UBR1: variants seen among roughly 807,000 people sequenced by gnomAD.
The protein encoded by UBR1 is ubiquitin protein ligase E3 component n-recognin 1, also known as E3 ubiquitin-protein ligase UBR1.
UBR1 carries 102 observed loss-of-function variants against 242.1 expected under a neutral mutation model. The ratio of observed to expected loss-of-function variants is 0.42; its 90% CI spans 0.36 to 0.50. The LOEUF (loss-of-function observed/expected upper bound fraction) is 0.50. Among genes scored for constraint, UBR1 ranks in the 20% least tolerant of loss-of-function variants. The pLI, the probability that UBR1 is intolerant of heterozygous loss-of-function variation, is 0.01. For synonymous variants in UBR1, 675 were observed against 684.8 expected, an observed-to-expected ratio of 0.99 and a Z score of 0.22; for missense variants, 1,772 against 2,101.8, an observed-to-expected ratio of 0.84 and a Z score of 3.07.
At position 43,021,365 on chromosome 15, in the gene UBR1, A is replaced by T. The variant is rs929403892; in HGVS notation, c.2850T>A (p.Ser950Arg). The part of the protein sequence containing the change: ...DFYHKASRLG[S>R]SAMNIQMLLE... ...AAAGCATTTGTATATTCATGGCTGA[A>T]CTTCCCAATCCTTTTTTAAAACACA... is the stretch of plus-strand genomic sequence containing the variant. Residue 950 changes from serine to arginine, a missense_variant, in exon 27 of 47, where the codon AGT (serine) becomes AGA (arginine). This residue lies in a region of UBR1 where 965 missense variants were observed against 1,079.7 expected (regional missense o/e 0.89). Transcript: ENST00000290650. The T allele has an allele frequency of 6.2e-7, 1 of 1,613,498 alleles. No individual in the cohort carries two copies. Among genetic ancestry groups the T allele is most frequent in the Non-Finnish European group, 8.5e-7 (1 of 1,179,726 alleles).
At chr15:43,069,421 G>A (rs1268978870) in intron 5 of UBR1, among the ~76,000 whole-genome samples, 1 of 151,882 alleles carries the variant, frequency 6.6e-6, no homozygotes, top group Non-Finnish European at 1.5e-5. Flanking sequence ...GGACCACGGG[G>A]GCCCGCCATG....
chr15:43,047,459 C>T (rs1209335381), intron 13 of UBR1, among the ~76,000 whole-genome samples, 170 bp from the exon 14 acceptor site: 12 of 152,190 alleles, frequency 7.9e-5, no homozygotes, highest in Non-Finnish European at 1.5e-4. Flanking sequence ...AGGGTTAGAA[C>T]ATTAACCGCA....
rs1596128157 is a variant in UBR1 at position 43,068,042 on chromosome 15, AG to A, written c.660-7del. ...AGTATCTTTCATTTTTCTCCCTGTTAGAAAAAAAACATATATATTTGGATAC... is the reference window on the plus strand; with the variant it reads ...AGTATCTTTCATTTTTCTCCCTGTTAAAAAAAAACATATATATTTGGATAC... On this transcript the variant is annotated splice_polypyrimidine_tract_variant and splice_region_variant and intron_variant, in intron 5 of 46. Coordinates refer to ENST00000290650, the MANE Select transcript of UBR1 (RefSeq NM_174916.3). 3.1e-6 allele frequency: 5 copies of A among 1,592,242 alleles called. No homozygotes were observed. In the East Asian group the frequency reaches 1.1e-4, roughly 36 times the overall value.
intron 32 of UBR1, among the ~76,000 whole-genome samples, 196 bp from the exon 33 acceptor site, chr15:42,998,461 A>G (rs2032672670): frequency 2.6e-5 from 4 of 152,210 alleles, no homozygotes; most frequent in African/African-American, 7.2e-5. Flanking sequence ...CTTACAAGAA[A>G]TAAGTCACCA....
chr15:43,050,731 A>C (rs2033544802), intron 12 of UBR1, among the ~76,000 whole-genome samples: 1 of 151,866 alleles, frequency 6.6e-6, no homozygotes, highest in Non-Finnish European at 1.5e-5. Context: ...CTTAAAAAAA[A>C]AAAAAAAAAA....
intron 29 of UBR1, 167 bp downstream of exon 29, chr15:43,015,521 C>A: frequency 2.9e-6 from 2 of 695,536 alleles, no homozygotes; most frequent in Admixed American, 2.3e-5. Flanking sequence ...GCCGCAGGGT[C>A]CTCTGCCTAG....
intron 46 of UBR1, among the ~76,000 whole-genome samples, chr15:42,946,102 G>A (rs1344455188): frequency 6.6e-6 from 1 of 152,086 alleles, no homozygotes. Context: ...AAGTCTCTCA[G>A]CTGGTTGGGG....
chr15:42,978,403 G>C (rs953370436), intron 37 of UBR1, among the ~76,000 whole-genome samples: 23 of 152,150 alleles, frequency 1.5e-4, no homozygotes, highest in African/African-American at 5.6e-4. Flanking sequence ...AGATCATCCT[G>C]AACAAAATTA....
intron 44 of UBR1, among the ~76,000 whole-genome samples, chr15:42,957,285 G>A (rs1361053179): frequency 1.3e-5 from 2 of 152,132 alleles, no homozygotes; most frequent in Non-Finnish European, 2.9e-5. Flanking sequence ...GTCATATATT[G>A]TATCATTCCT....
Position 43,075,024 on chromosome 15 carries a change from A to G in UBR1, c.483T>C (p.Pro161=). 1 of 1,614,106 alleles carries G rather than the reference A, an allele frequency of 6.2e-7. No homozygotes were observed. Among genetic ancestry groups the G allele is most frequent in the South Asian group, 1.1e-5 (1 of 91,088 alleles). The part of the protein sequence containing the change: ...CGDTEAWKTG[P]FCVNHEPGRA... The stretch of plus-strand genomic sequence containing the variant: ...TTCCAGGTTCATGATTTACACAAAA[A>G]GGGCCAGTTTTCCATGCCTCTGTGT... The change falls in exon 4 of 47, where the codon CCT becomes CCC. Residue 161 remains proline, a synonymous_variant. Coordinates refer to ENST00000290650, the MANE Select transcript of UBR1 (RefSeq NM_174916.3).
chr15:43,093,733 C>T (rs528759445), intron 1 of UBR1, among the ~76,000 whole-genome samples: 2 of 150,932 alleles, frequency 1.3e-5, no homozygotes, highest in Admixed American at 1.3e-4. Context: ...CTGCAGCAAG[C>T]CCTGATCGCG....
intron 29 of UBR1, among the ~76,000 whole-genome samples, chr15:43,013,290 G>C (rs2032954309): frequency 6.6e-6 from 1 of 152,110 alleles, no homozygotes; most frequent in South Asian, 2.1e-4. Context: ...AAATTTCTTG[G>C]AATGCTGTTC....
chr15:43,012,676 A>G (rs1350262105), intron 29 of UBR1, among the ~76,000 whole-genome samples: 1 of 152,198 alleles, frequency 6.6e-6, no homozygotes, highest in African/African-American at 2.4e-5. Flanking sequence ...TGTTGTTAAT[A>G]CATAATATCT....
intron 33 of UBR1, among the ~76,000 whole-genome samples, chr15:42,991,337 A>G (rs1240757843): frequency 1.3e-5 from 2 of 151,930 alleles, no homozygotes; most frequent in Admixed American, 6.6e-5. Flanking sequence ...CCTGGGCTCA[A>G]AGCATCCTCC....
intron 12 of UBR1, among the ~76,000 whole-genome samples, chr15:43,049,330 G>A (rs182291483): frequency 1.3e-5 from 2 of 152,294 alleles, no homozygotes; most frequent in Admixed American, 6.5e-5. Context: ...TTAGGAGGCC[G>A]AGGCAGGTGG....
At position 43,062,217 on chromosome 15, in the gene UBR1, A is replaced by G. The variant is rs532760227; in HGVS notation, c.799-2103T>C. Among the ~76,000 whole-genome samples the G allele has an allele frequency of 1.4e-4, 21 of 152,312 alleles. No individual in the cohort carries two copies. The South Asian group carries it at 1.9e-3, about 14-fold the overall frequency. ...TGTTCATAAGAGCATTATCCACAAT[A>G]GCAGAAGGTGGAAGCAACCCAAGCG... On this transcript the variant is annotated intron_variant, in intron 6 of 46. Transcript: ENST00000290650.
intron 3 of UBR1, among the ~76,000 whole-genome samples, chr15:43,077,173 G>A (rs2033916035): frequency 1.3e-5 from 2 of 151,102 alleles, no homozygotes; most frequent in African/African-American, 4.9e-5. Context: ...CATTGGGGAT[G>A]GGCCATGATG....
At chr15:43,099,272 G>A (rs1244900539) in intron 1 of UBR1, among the ~76,000 whole-genome samples, 1 of 151,946 alleles carries the variant, frequency 6.6e-6, no homozygotes, top group Non-Finnish European at 1.5e-5. Flanking sequence ...AGGAGGCAGA[G>A]GTTTCAGAGA....
intron 45 of UBR1, among the ~76,000 whole-genome samples, chr15:42,950,809 G>C (rs2031821962): frequency 6.6e-6 from 1 of 152,184 alleles, no homozygotes; most frequent in African/African-American, 2.4e-5. Flanking sequence ...AGCTTTTCTG[G>C]TTAGAGCTGG....
Sources: allele counts gnomAD v4.1 joint callset (sites outside exome capture counted in the v4.1 genomes callset), GRCh38; gene constraint gnomAD v4.1.1; regional missense constraint gnomAD v4.1.1; transcripts MANE v1.5; gene names NCBI Gene and HGNC (gene_info 2026-07-23, HGNC 2026-07-21).